RALYL: variants seen among roughly 807,000 people sequenced by gnomAD.
The protein encoded by RALYL is RALY RNA binding protein like.
RALYL carries 29 observed loss-of-function variants against 35.1 expected under a neutral mutation model. That is an observed-to-expected ratio of 0.83 (90% CI 0.61 to 1.13). RALYL has a LOEUF of 1.13. RALYL is among the 50% of genes most tolerant of loss of function. RALYL has a pLI of 0.00. For missense variants in RALYL, 359 were observed against 360.4 expected (o/e 1.00, Z 0.03); for synonymous variants, 120 against 127.6 (o/e 0.94, Z 0.40).
At chr8:84,418,922 T>C (rs761312213) in intron 1 of RALYL, among the ~76,000 whole-genome samples, 4 of 152,122 alleles carry the variant, frequency 2.6e-5, no homozygotes, top group African/African-American at 7.2e-5. Context: ...CCATCTTAAG[T>C]AGGCCTCCCA....
chr8:84,237,238 C>T (rs1349749803), intron 1 of RALYL, among the ~76,000 whole-genome samples: 2 of 152,154 alleles, frequency 1.3e-5, no homozygotes, highest in Admixed American at 6.6e-5. Flanking sequence ...GCAGGATTCT[C>T]TTGGTGGCTG....
At chr8:84,802,692 C>T (rs1823631230) in intron 3 of RALYL, among the ~76,000 whole-genome samples, 1 of 152,140 alleles carries the variant, frequency 6.6e-6, no homozygotes, top group South Asian at 2.1e-4. Flanking sequence ...GAGGGAAAAT[C>T]AAAAGTGGTG....
chr8:84,699,081 G>T (rs967566779), intron 2 of RALYL, among the ~76,000 whole-genome samples: 9 of 151,776 alleles, frequency 5.9e-5, no homozygotes, highest in African/African-American at 9.7e-5. Context: ...CAGATGAATA[G>T]ATAGATAGTA....
intron 4 of RALYL, among the ~76,000 whole-genome samples, chr8:84,848,409 GTGTGTGTATATATATA>G (rs1835103064): frequency 6.8e-6 from 1 of 147,442 alleles, no homozygotes; most frequent in African/African-American, 2.4e-5. Context: ...ATATATATAT[GTGTGTGTATATATATA>G]TGTGTGTGTG....
intron 1 of RALYL, among the ~76,000 whole-genome samples, chr8:84,520,249 T>C (rs1444312526): frequency 6.6e-6 from 1 of 152,196 alleles, no homozygotes; most frequent in Non-Finnish European, 1.5e-5. Flanking sequence ...TTAGACAATA[T>C]GTATGATTTA....
At chr8:84,707,576 C>T (rs1841441927) in intron 2 of RALYL, among the ~76,000 whole-genome samples, 1 of 151,962 alleles carries the variant, frequency 6.6e-6, no homozygotes, top group Non-Finnish European at 1.5e-5. Flanking sequence ...TGAGACAAGT[C>T]AGAAGATGTA....
intron 2 of RALYL, among the ~76,000 whole-genome samples, chr8:84,684,927 G>T (rs2132048002): frequency 6.6e-6 from 1 of 152,244 alleles, no homozygotes; most frequent in African/African-American, 2.4e-5. Context: ...CCAGGGGCTG[G>T]CAAAGCAAGT....
intron 1 of RALYL, among the ~76,000 whole-genome samples, chr8:84,367,466 C>T (rs1364502516): frequency 2.0e-5 from 3 of 148,616 alleles, no homozygotes; most frequent in Non-Finnish European, 1.5e-5. Context: ...CTAGAATTAA[C>T]AGGCATGAGC....
rs538932884 is a variant in RALYL at position 84,557,605 on chromosome 8, C to T, written c.256+28028C>T. Among the ~76,000 whole-genome samples the T allele has an allele frequency of 2.8e-4, 43 of 152,274 alleles. No individual in the cohort carries two copies. The East Asian group carries it at 6.5e-3, about 23-fold the overall frequency. On this transcript the variant is annotated intron_variant, in intron 2 of 8. Coordinates refer to ENST00000521268, the MANE Select transcript of RALYL (RefSeq NM_173848.7). ...TTAAAATGATGCATGCATAATCTGACTCATACTTTAATTTAAACATAGCCA... is the reference window on the plus strand; with the variant it reads ...TTAAAATGATGCATGCATAATCTGATTCATACTTTAATTTAAACATAGCCA...
chr8:84,360,013 C>T (rs1852641565), intron 1 of RALYL, among the ~76,000 whole-genome samples: 1 of 151,802 alleles, frequency 6.6e-6, no homozygotes, highest in East Asian at 1.9e-4. Flanking sequence ...GCTAGAACTA[C>T]AGGCATGCAC....
At chr8:84,295,496 T>C (rs1317634220) in intron 1 of RALYL, among the ~76,000 whole-genome samples, 1 of 152,100 alleles carries the variant, frequency 6.6e-6, no homozygotes, top group Non-Finnish European at 1.5e-5. Context: ...GATGGAGTCT[T>C]GCTATGTTGC....
At chr8:84,648,450 A>G (rs1827961966) in intron 2 of RALYL, among the ~76,000 whole-genome samples, 1 of 152,074 alleles carries the variant, frequency 6.6e-6, no homozygotes, top group African/African-American at 2.4e-5. Flanking sequence ...ATGGTGCCAG[A>G]GGGTTGCTTT....
chr8:84,235,914 G>T (rs573734861), intron 1 of RALYL, among the ~76,000 whole-genome samples: 1 of 151,474 alleles, frequency 6.6e-6, no homozygotes, highest in Non-Finnish European at 1.5e-5. Context: ...TTATAGGCAC[G>T]TGCCACCACA....
At chr8:84,558,825 T>A (rs1306334908) in intron 2 of RALYL, among the ~76,000 whole-genome samples, 13 of 152,124 alleles carry the variant, frequency 8.5e-5, no homozygotes, top group Admixed American at 8.5e-4. Flanking sequence ...TCTGATTTTG[T>A]CCTTGGCACC....
intron 1 of RALYL, among the ~76,000 whole-genome samples, chr8:84,189,009 A>G (rs1813206567): frequency 6.6e-6 from 1 of 152,082 alleles, no homozygotes; most frequent in South Asian, 2.1e-4. Context: ...TTTTCTATCC[A>G]TTTGTAGCCA....
At chr8:84,650,980 C>T (rs1257156279) in intron 2 of RALYL, among the ~76,000 whole-genome samples, 2 of 151,776 alleles carry the variant, frequency 1.3e-5, no homozygotes, top group Non-Finnish European at 2.9e-5. Flanking sequence ...AACAAAAAAC[C>T]AAACACCGCA....
At position 84,736,524 on chromosome 8, in the gene RALYL, A is replaced by G. The variant is rs575703320; in HGVS notation, c.257-38055A>G. The stretch of plus-strand genomic sequence containing the variant: ...CATGCAAAATATGTAAAAATAGCTC[A>G]GGCACCTGAAACATCAGATTTGTGA... On this transcript the variant is annotated intron_variant, in intron 2 of 8. Transcript: ENST00000521268. Among the ~76,000 whole-genome samples the G allele has an allele frequency of 1.4e-4, 21 of 152,222 alleles. No homozygotes were observed. In the East Asian group the frequency reaches 4.1e-3, roughly 29 times the overall value.
intron 1 of RALYL, among the ~76,000 whole-genome samples, chr8:84,376,827 T>C (rs1220996830): frequency 6.6e-6 from 1 of 151,836 alleles, no homozygotes; most frequent in Admixed American, 6.6e-5. Context: ...GATTCTGCAG[T>C]TCCACATCAT....
chr8:84,654,697 C>T (rs937415582), intron 2 of RALYL, among the ~76,000 whole-genome samples: 1 of 151,996 alleles, frequency 6.6e-6, no homozygotes, highest in African/African-American at 2.4e-5. Context: ...TCTTTCTGTG[C>T]CTGGCTTATG....
Sources: gnomAD v4.1 joint callset for allele counts (sites outside exome capture counted in the v4.1 genomes callset) on GRCh38, gnomAD v4.1.1 for gene constraint, MANE v1.5 for transcripts, NCBI Gene and HGNC (gene_info 2026-07-23, HGNC 2026-07-21) for gene names.